Variants in NAV2 observed in about 807,000 individuals in gnomAD.
NAV2 encodes the protein neuron navigator 2.
Under a neutral mutation model 223.2 loss-of-function variants are expected in NAV2, and 54 were observed. The observed-to-expected ratio is 0.24, with a 90% CI of 0.19 to 0.30. NAV2 has a LOEUF of 0.30. NAV2 is among the 10% of genes least tolerant of loss of function. The pLI, the probability that NAV2 is intolerant of heterozygous loss-of-function variation, is 1.00. For missense variants in NAV2, 2,806 were observed against 3,147.5 expected (o/e 0.89, Z 2.60); for synonymous variants, 1,279 against 1,239.3 (o/e 1.03, Z -0.67).
At chr11:20,006,453 G>A (rs1276334918) in intron 11 of NAV2, among the ~76,000 whole-genome samples, 5 of 152,092 alleles carry the variant, frequency 3.3e-5, no homozygotes, top group Admixed American at 2.6e-4. Context: ...GAGGTGGGTG[G>A]ATCATGAGGC....
At chr11:20,097,947 A>G (rs1264946548) in intron 31 of NAV2, among the ~76,000 whole-genome samples, 3 of 152,166 alleles carry the variant, frequency 2.0e-5, no homozygotes, top group Non-Finnish European at 4.4e-5. Context: ...ATTTTAGTTT[A>G]TTGCTGCAAT....
chr11:19,781,571 T>C (rs1456464196), intron 1 of NAV2, among the ~76,000 whole-genome samples: 1 of 152,108 alleles, frequency 6.6e-6, no homozygotes, highest in African/African-American at 2.4e-5. Flanking sequence ...CAGAGAGGCA[T>C]TGGTCAAAGA....
intron 1 of NAV2, chr11:19,502,538 C>G (rs894318110): frequency 3.3e-5 from 5 of 152,154 alleles, no homozygotes; most frequent in Admixed American, 3.3e-4. Flanking sequence ...TCTTGGAGTC[C>G]AGCCTCACTT....
intron 1 of NAV2, among the ~76,000 whole-genome samples, chr11:19,404,324 A>C (rs931820970): frequency 6.6e-6 from 1 of 152,180 alleles, no homozygotes; most frequent in Non-Finnish European, 1.5e-5. Context: ...ATGAGAGAGG[A>C]GGAAGGCCTG....
intron 1 of NAV2, among the ~76,000 whole-genome samples, chr11:19,574,149 A>T (rs540355834): frequency 6.6e-6 from 1 of 152,326 alleles, no homozygotes; most frequent in African/African-American, 2.4e-5. Flanking sequence ...AGTTGTATAA[A>T]ACTGAGCAAG....
chr11:19,718,375 T>G (rs1399570940), intron 1 of NAV2, among the ~76,000 whole-genome samples: 2 of 152,304 alleles, frequency 1.3e-5, no homozygotes, highest in South Asian at 2.1e-4. Context: ...TATTTTGATA[T>G]TTCCTGTTTT....
intron 10 of NAV2, among the ~76,000 whole-genome samples, chr11:19,950,329 T>C (rs908189197): frequency 2.0e-5 from 3 of 152,202 alleles, no homozygotes; most frequent in African/African-American, 7.2e-5. Flanking sequence ...TCTCTTGTTC[T>C]ATCTCCATAG....
intron 10 of NAV2, among the ~76,000 whole-genome samples, chr11:19,954,189 A>G (rs1256848526): frequency 6.6e-6 from 1 of 152,128 alleles, no homozygotes; most frequent in African/African-American, 2.4e-5. Flanking sequence ...GGCTGGTGAT[A>G]TTTAGGGCTA....
At chr11:20,029,415 A>G (rs766174827) in intron 11 of NAV2, among the ~76,000 whole-genome samples, 1 of 152,220 alleles carries the variant, frequency 6.6e-6, no homozygotes, top group Non-Finnish European at 1.5e-5. Flanking sequence ...GAACTCTGCC[A>G]GAAGAGCTCT....
chr11:19,497,476 G>A (rs1055028917), intron 1 of NAV2, among the ~76,000 whole-genome samples: 2 of 152,182 alleles, frequency 1.3e-5, no homozygotes, highest in African/African-American at 2.4e-5. Flanking sequence ...GAATGTGAGT[G>A]TGGGAGCCTC....
chr11:19,961,092 CT>C (rs1565649953), intron 10 of NAV2, among the ~76,000 whole-genome samples: 1 of 151,966 alleles, frequency 6.6e-6, no homozygotes, highest in African/African-American at 2.4e-5. Context: ...ATCCATATTT[CT>C]TTTCTTTTTT....
intron 1 of NAV2, among the ~76,000 whole-genome samples, chr11:19,460,844 A>G (rs926949770): frequency 1.4e-4 from 22 of 152,142 alleles, no homozygotes; most frequent in African/African-American, 4.6e-4. Context: ...AGATAAGTAA[A>G]GATCTCATCT....
chr11:19,941,389 C>T (rs1325791457), intron 8 of NAV2, among the ~76,000 whole-genome samples: 2 of 145,360 alleles, frequency 1.4e-5, no homozygotes, highest in African/African-American at 5.3e-5. Context: ...TCTTTATATT[C>T]AAGCAGTAGA....
chr11:19,780,702 C>T (rs1057138904), intron 1 of NAV2, among the ~76,000 whole-genome samples: 4 of 152,144 alleles, frequency 2.6e-5, no homozygotes, highest in African/African-American at 7.2e-5. Context: ...AAAATGTATC[C>T]GGATTTGAGC....
chr11:19,585,214 T>G (rs935811750), intron 1 of NAV2, among the ~76,000 whole-genome samples: 35 of 152,230 alleles, frequency 2.3e-4, no homozygotes, highest in African/African-American at 6.8e-4. Flanking sequence ...CTGCCTTTTT[T>G]TCTTTTCCAT....
intron 17 of NAV2, among the ~76,000 whole-genome samples, chr11:20,051,983 A>G (rs919409001): frequency 2.6e-5 from 4 of 152,174 alleles, no homozygotes; most frequent in Non-Finnish European, 4.4e-5. Context: ...AGTCCTGGCA[A>G]AACAAGATGC....
At chr11:20,073,784 C>T (rs1040821354) in intron 22 of NAV2, among the ~76,000 whole-genome samples, 4 of 151,946 alleles carry the variant, frequency 2.6e-5, no homozygotes, top group Non-Finnish European at 5.9e-5. Flanking sequence ...TGGTGATATC[C>T]CCTTTATCAT....
At chr11:19,513,094 A>G (rs780570795) in intron 1 of NAV2, among the ~76,000 whole-genome samples, 1 of 152,146 alleles carries the variant, frequency 6.6e-6, no homozygotes, top group Non-Finnish European at 1.5e-5. Flanking sequence ...TTTCTAGACC[A>G]TGTGTGACAA....
chr11:19,958,849 G>A (rs2048117922), intron 10 of NAV2, among the ~76,000 whole-genome samples: 1 of 152,246 alleles, frequency 6.6e-6, no homozygotes, highest in African/African-American at 2.4e-5. Flanking sequence ...GTGGGTTGCA[G>A]ATTCAAGATG....
Sources: gnomAD v4.1 joint callset for allele counts (sites outside exome capture counted in the v4.1 genomes callset) on GRCh38, gnomAD v4.1.1 for gene constraint, MANE v1.5 for transcripts, NCBI Gene and HGNC (gene_info 2026-07-23, HGNC 2026-07-21) for gene names.